Variants in UHRF2 observed in about 807,000 individuals in gnomAD.
UHRF2 encodes the protein E3 ubiquitin-protein ligase UHRF2.
A neutral mutation model predicts 96.8 loss-of-function variants in UHRF2; 23 were observed. That is an observed-to-expected ratio of 0.24 (90% CI 0.17 to 0.34). The LOEUF (loss-of-function observed/expected upper bound fraction) is 0.34. UHRF2 is among the 10% of genes least tolerant of loss of function. UHRF2 has a pLI of 1.00. For missense variants in UHRF2, 685 were observed against 981.5 expected, an observed-to-expected ratio of 0.70 and a Z score of 4.04; for synonymous variants, 385 against 332.6, an observed-to-expected ratio of 1.16 and a Z score of -1.72.
intron 3 of UHRF2, among the ~76,000 whole-genome samples, chr9:6,435,603 G>GATTT (rs1053434840): frequency 1.1e-4 from 16 of 151,994 alleles, no homozygotes; most frequent in South Asian, 2.1e-4. Flanking sequence ...AAGATAATAG[G>GATTT]ATTTATTTAT....
intron 2 of UHRF2, among the ~76,000 whole-genome samples, chr9:6,424,550 T>C (rs1213167325): frequency 6.6e-6 from 1 of 152,230 alleles, no homozygotes; most frequent in African/African-American, 2.4e-5. Flanking sequence ...AGAACAGTTT[T>C]AGATTTGTAG....
Position 6,466,400 on chromosome 9 carries a change from C to A in UHRF2, c.863+5609C>A, listed in dbSNP as rs146126084. On this transcript the variant is annotated intron_variant, in intron 4 of 15. Coordinates refer to ENST00000276893, the MANE Select transcript of UHRF2 (RefSeq NM_152896.3). Reference sequence around the variant, plus strand: ...TAAAAATATAAAAATGTTAGCTGGGCATGCTGGTGCACGCCTGTAATTCCA... The same window carrying A: ...TAAAAATATAAAAATGTTAGCTGGGAATGCTGGTGCACGCCTGTAATTCCA... Among the ~76,000 whole-genome samples the A allele has an allele frequency of 7.7e-3, 1,171 of 152,028 alleles. 8 individuals carry two copies. Among genetic ancestry groups the A allele is most frequent in the Non-Finnish European group, 0.011 (757 of 67,986 alleles).
rs143868795 is a variant in UHRF2, at chr9:6,442,539, C to T, written c.644+8366C>T. ...CATCACCCTGATTGAAATGCAGTGG[C>T]ACAAACATGGCTCACTGCAGCCTCG... On this transcript the variant is annotated intron_variant, in intron 3 of 15. Transcript: ENST00000276893. Among the ~76,000 whole-genome samples, 772 of 152,164 alleles carry T rather than the reference C, an allele frequency of 5.1e-3. 1 individual carries two copies. Among genetic ancestry groups the T allele is most frequent in the African/African-American group, 0.018 (729 of 41,494 alleles).
At chr9:6,427,588 G>A (rs757663957) in intron 2 of UHRF2, among the ~76,000 whole-genome samples, 18 of 152,266 alleles carry the variant, frequency 1.2e-4, no homozygotes, top group South Asian at 6.2e-4. Context: ...GGGAGGCTGA[G>A]ACGGGAGAAT....
intron 2 of UHRF2, 77 bp downstream of exon 2, chr9:6,421,219 T>G: frequency 9.2e-7 from 1 of 1,087,392 alleles, no homozygotes; most frequent in Non-Finnish European, 1.3e-6. Flanking sequence ...TTTGAATAAG[T>G]AAACATTGAT....
Position 6,493,773 on chromosome 9 carries a change from A to G in UHRF2, c.1498-53A>G, listed in dbSNP as rs966378839. ...TGTTTTGACTCTGAAATAAGAATTG[A>G]TGAAATTATACTTGGGTTTAGCTTT... On this transcript the variant is annotated intron_variant, in intron 9 of 15. Transcript: ENST00000276893. 2.1e-6 allele frequency: 3 copies of G among 1,456,344 alleles called. No homozygotes were observed. The African/African-American group carries it at 4.2e-5, about 21-fold the overall frequency. The allele number at this position is 1,456,344 out of a possible 1,614,324, so 90.2% of individuals were successfully genotyped here.
intron 3 of UHRF2, among the ~76,000 whole-genome samples, chr9:6,442,477 G>GTTTTGTTTTGTTTTGT (rs113583280): frequency 4.3e-3 from 51 of 11,932 alleles, no homozygotes; most frequent in Admixed American, 8.3e-3. Flanking sequence ...GTTTTGTTTT[G>GTTTTGTTTTGTTTTGT]TTTGTTTTGT....
At chr9:6,465,468 C>T (rs973663990) in intron 4 of UHRF2, among the ~76,000 whole-genome samples, 2 of 152,140 alleles carry the variant, frequency 1.3e-5, no homozygotes, top group Non-Finnish European at 1.5e-5. Context: ...ATGGTCAGTT[C>T]GGTTTCTGTA....
intron 4 of UHRF2, among the ~76,000 whole-genome samples, chr9:6,461,455 C>T (rs1327379690): frequency 6.7e-6 from 1 of 149,236 alleles, no homozygotes; most frequent in Non-Finnish European, 1.5e-5. Flanking sequence ...TCACTGTAAC[C>T]TCTGCCTCTT....
Position 6,480,424 on chromosome 9 carries a change from T to C in UHRF2, c.1161-1219T>C, listed in dbSNP as rs115801386. On this transcript the variant is annotated intron_variant, in intron 6 of 15. Transcript: ENST00000276893. ...ACATAGGAGGTTCTGAACAAACCTG[T>C]TGAAGGAGTGAATCAATCCCAGAGA... Among the ~76,000 whole-genome samples, 835 of 152,340 alleles carry C rather than the reference T, an allele frequency of 5.5e-3. 3 individuals are homozygous for C. Among genetic ancestry groups the C allele is most frequent in the African/African-American group, 0.019 (774 of 41,588 alleles).
intron 8 of UHRF2, among the ~76,000 whole-genome samples, chr9:6,483,006 C>T (rs1824014330): frequency 6.6e-6 from 1 of 152,084 alleles, no homozygotes; most frequent in Non-Finnish European, 1.5e-5. Context: ...CCCCTATAGA[C>T]ACCAAAGTCT....
intron 3 of UHRF2, among the ~76,000 whole-genome samples, chr9:6,446,645 C>A (rs926436479): frequency 2.0e-5 from 3 of 150,698 alleles, no homozygotes; most frequent in Admixed American, 1.3e-4. Flanking sequence ...GGACGACAGG[C>A]GTTTGAGACC....
At chr9:6,492,831 G>A (rs999817805) in intron 9 of UHRF2, 1 of 103,674 alleles carries the variant, frequency 9.6e-6, no homozygotes, top group Admixed American at 9.9e-5. Context: ...AGAGCTTTTG[G>A]CTTTTTTTTT....
chr9:6,464,954 T>C (rs1385302868), intron 4 of UHRF2, among the ~76,000 whole-genome samples: 1 of 152,212 alleles, frequency 6.6e-6, no homozygotes, highest in Non-Finnish European at 1.5e-5. Context: ...GTAGCTTTAC[T>C]AGATTTACTA....
intron 4 of UHRF2, among the ~76,000 whole-genome samples, chr9:6,463,616 G>T (rs929828439): frequency 6.6e-6 from 1 of 151,846 alleles, no homozygotes; most frequent in Non-Finnish European, 1.5e-5. Context: ...AACTACAGGC[G>T]CATGCCACCA....
In UHRF2 at chr9:6,499,826, C is replaced by G. The variant is rs572428892; in HGVS notation, c.1909-9C>G. 1.0e-5 allele frequency: 16 copies of G among 1,595,574 alleles called. No individual in the cohort carries two copies. The East Asian group carries it at 1.1e-4, about 11-fold the overall frequency. ...CTGCATTGTACTCTCCCTCCTCCCC[C>G]CCCATCAGTATCCAGCAGGTTACCC... On this transcript the variant is annotated splice_polypyrimidine_tract_variant and intron_variant, in intron 12 of 15. Transcript: ENST00000276893.
chr9:6,452,689 C>G (rs184014387), intron 3 of UHRF2, among the ~76,000 whole-genome samples: 3 of 152,268 alleles, frequency 2.0e-5, no homozygotes, highest in Admixed American at 1.3e-4. Flanking sequence ...GGAGATAACT[C>G]TTACACTTCT....
At chr9:6,413,880 C>A in intron 1 of UHRF2, 1 of 419,898 alleles carries the variant, frequency 2.4e-6, no homozygotes, top group Non-Finnish European at 4.1e-6. Context: ...GTGAGGGCGT[C>A]CGGAGCGCAA....
At chr9:6,497,651 A>AT (rs1300651685) in intron 11 of UHRF2, among the ~76,000 whole-genome samples, 2 of 151,588 alleles carry the variant, frequency 1.3e-5, no homozygotes, top group African/African-American at 2.4e-5. Context: ...GTATAACTTG[A>AT]TTTTTATATA....
Sources: allele counts gnomAD v4.1 joint callset (sites outside exome capture counted in the v4.1 genomes callset), GRCh38; gene constraint gnomAD v4.1.1; transcripts MANE v1.5; gene names NCBI Gene and HGNC (gene_info 2026-07-23, HGNC 2026-07-21).